Variants in ZPBP observed in about 807,000 individuals in gnomAD.
ZPBP encodes zona pellucida binding protein.
A neutral mutation model predicts 44.8 loss-of-function variants in ZPBP; 26 were observed. The observed-to-expected ratio is 0.58, with a 90% confidence interval of 0.43 to 0.81. The LOEUF is 0.81. Ranked by LOEUF, ZPBP falls within the 30% of genes least tolerant of loss-of-function variation. The pLI is 0.00. For synonymous variants in ZPBP, 174 were observed against 153.2 expected, an observed-to-expected ratio of 1.14 and a Z score of -1.00; for missense variants, 409 against 434.0, an observed-to-expected ratio of 0.94 and a Z score of 0.51.
intron 7 of ZPBP, among the ~76,000 whole-genome samples, chr7:49,962,737 A>T (rs760866814): frequency 6.6e-6 from 1 of 151,932 alleles, no homozygotes; most frequent in Non-Finnish European, 1.5e-5. Flanking sequence ...AATCCTAAAA[A>T]TCAAAAATAA....
intron 2 of ZPBP, among the ~76,000 whole-genome samples, chr7:49,861,721 G>A (rs559659673): frequency 6.6e-6 from 1 of 152,174 alleles, no homozygotes; most frequent in Non-Finnish European, 1.5e-5. Flanking sequence ...TGGCTTTCTA[G>A]TTGTCCCAGC....
intron 3 of ZPBP, among the ~76,000 whole-genome samples, chr7:50,065,317 C>T (rs1001775209): frequency 1.3e-5 from 2 of 150,872 alleles, no homozygotes; most frequent in Non-Finnish European, 3.0e-5. Context: ...CAGAGGGTGC[C>T]TTCCAAGCAT....
At chr7:49,994,633 C>T (rs1004041104) in intron 6 of ZPBP, among the ~76,000 whole-genome samples, 10 of 152,158 alleles carry the variant, frequency 6.6e-5, no homozygotes, top group South Asian at 2.1e-4. Flanking sequence ...GCTGTCTCTC[C>T]GAAGGAGAGT....
intron 7 of ZPBP, chr7:49,943,072 C>A: frequency 2.9e-6 from 1 of 339,822 alleles, no homozygotes; most frequent in South Asian, 2.8e-5. Context: ...AGAAAGGAAT[C>A]CAGCCCTCTC....
intron 2 of ZPBP, among the ~76,000 whole-genome samples, chr7:49,863,528 C>T (rs1171360395): frequency 6.6e-6 from 1 of 152,062 alleles, no homozygotes; most frequent in Non-Finnish European, 1.5e-5. Flanking sequence ...ACCTCCTGGG[C>T]TCAAGCGATC....
chr7:49,997,902 CTTTATTTA>C (rs34980402), intron 6 of ZPBP, among the ~76,000 whole-genome samples: 1 of 150,568 alleles, frequency 6.6e-6, no homozygotes, highest in Admixed American at 6.6e-5. Context: ...AATTAAATGT[CTTTATTTA>C]TTTATTTATT....
At chr7:50,022,373 A>C (rs1273500632) in intron 5 of ZPBP, among the ~76,000 whole-genome samples, 1 of 152,096 alleles carries the variant, frequency 6.6e-6, no homozygotes, top group Admixed American at 6.5e-5. Context: ...AATTAGGGAC[A>C]ATAGCATAGA....
intron 6 of ZPBP, among the ~76,000 whole-genome samples, chr7:50,010,239 C>T (rs1798507567): frequency 6.6e-6 from 1 of 151,984 alleles, no homozygotes; most frequent in Non-Finnish European, 1.5e-5. Flanking sequence ...TACTAGATAG[C>T]TACAGTAGTC....
At chr7:49,896,911 C>T (rs1269302641) in intron 2 of ZPBP, among the ~76,000 whole-genome samples, 2 of 116,062 alleles carry the variant, frequency 1.7e-5, no homozygotes, top group African/African-American at 3.4e-5. Context: ...TTTTTTGAGA[C>T]GGAGTCTCGC....
intron 6 of ZPBP, among the ~76,000 whole-genome samples, chr7:50,006,921 G>A (rs1798336664): frequency 6.6e-6 from 1 of 151,958 alleles, no homozygotes; most frequent in African/African-American, 2.4e-5. Flanking sequence ...TTGCACTATG[G>A]TCTGAATGTG....
intron 6 of ZPBP, among the ~76,000 whole-genome samples, chr7:50,003,640 A>G (rs1484079617): frequency 2.0e-5 from 3 of 152,194 alleles, no homozygotes; most frequent in Non-Finnish European, 4.4e-5. Context: ...CTGACAGCAA[A>G]GGCAGGTGAT....
intron 1 of ZPBP, chr7:49,912,673 C>T (rs1193026378): frequency 6.6e-6 from 1 of 152,652 alleles, no homozygotes; most frequent in Non-Finnish European, 1.5e-5. Flanking sequence ...CCACTGAAAC[C>T]CTGTTTAAAT....
chr7:50,066,881 G>A (rs536915918), intron 3 of ZPBP, among the ~76,000 whole-genome samples: 6 of 152,056 alleles, frequency 3.9e-5, no homozygotes, highest in African/African-American at 7.2e-5. Context: ...TATTCGGGTC[G>A]GGCGATCTGG....
chr7:50,053,757 T>A (rs1800801375), intron 4 of ZPBP, among the ~76,000 whole-genome samples: 1 of 152,338 alleles, frequency 6.6e-6, no homozygotes, highest in South Asian at 2.1e-4. Flanking sequence ...TGGTCAGAAA[T>A]TCACAGGTTT....
chr7:49,974,362 G>A (rs1412176250), intron 7 of ZPBP, among the ~76,000 whole-genome samples: 2 of 152,038 alleles, frequency 1.3e-5, no homozygotes, highest in East Asian at 3.9e-4. Context: ...GAAAGTTTGG[G>A]CAGGATAATT....
rs185261692 is a variant in ZPBP at position 49,948,691 on chromosome 7, A to G, written c.962-11069T>C. On this transcript the variant is annotated intron_variant, in intron 7 of 7. Transcript: ENST00000046087. Reference sequence around the variant, plus strand: ...ATACCACTTCAAACACAATGAGACGACAAGTATCAAGAAAATGGAAAATAA... The same window carrying G: ...ATACCACTTCAAACACAATGAGACGGCAAGTATCAAGAAAATGGAAAATAA... 2.6e-5 allele frequency among the ~76,000 whole-genome samples: 4 copies of G among 152,252 alleles called. No homozygotes were observed. In the East Asian group the frequency reaches 7.7e-4, roughly 29 times the overall value.
intron 2 of ZPBP, among the ~76,000 whole-genome samples, chr7:49,865,892 G>A (rs1048782743): frequency 6.6e-6 from 1 of 152,158 alleles, no homozygotes; most frequent in Non-Finnish European, 1.5e-5. Context: ...ATGGTTCAGT[G>A]GAACAATGTC....
intron 4 of ZPBP, among the ~76,000 whole-genome samples, chr7:50,041,491 C>T (rs1267282047): frequency 6.6e-6 from 1 of 152,218 alleles, no homozygotes. Flanking sequence ...GTACTGCAGC[C>T]TCCACTGGTG....
At chr7:50,039,684 C>A (rs570062398) in intron 4 of ZPBP, among the ~76,000 whole-genome samples, 1 of 152,076 alleles carries the variant, frequency 6.6e-6, no homozygotes, top group South Asian at 2.1e-4. Context: ...TGAAGAGAAC[C>A]ACAAATGATA....
Sources: gnomAD v4.1 joint callset for allele counts (sites outside exome capture counted in the v4.1 genomes callset) on GRCh38, gnomAD v4.1.1 for gene constraint, MANE v1.5 for transcripts, NCBI Gene and HGNC (gene_info 2026-07-23, HGNC 2026-07-21) for gene names.